Variants in SLC44A5 observed in about 807,000 individuals in gnomAD.
SLC44A5 encodes the protein choline transporter-like protein 5.
A neutral mutation model predicts 101.8 loss-of-function variants in SLC44A5; 57 were observed. That is an observed-to-expected ratio of 0.56 (90% CI 0.45 to 0.70). The LOEUF is 0.70. Among genes scored for constraint, SLC44A5 ranks in the 30% least tolerant of loss-of-function variants. SLC44A5 has a pLI of 0.00. For missense variants in SLC44A5, 737 were observed against 853.1 expected (o/e 0.86, Z 1.70); for synonymous variants, 281 against 290.9 (o/e 0.97, Z 0.35).
intron 2 of SLC44A5, among the ~76,000 whole-genome samples, chr1:75,476,502 GA>G (rs1236068591): frequency 6.6e-6 from 1 of 152,190 alleles, no homozygotes; most frequent in Non-Finnish European, 1.5e-5. Flanking sequence ...CCTAGTCAAA[GA>G]AAGGGGTGAC....
At chr1:75,474,255 C>T (rs1340181618) in intron 2 of SLC44A5, among the ~76,000 whole-genome samples, 1 of 152,176 alleles carries the variant, frequency 6.6e-6, no homozygotes, top group Non-Finnish European at 1.5e-5. Flanking sequence ...TTCCTAGGCA[C>T]TTACTGTCGA....
intron 2 of SLC44A5, among the ~76,000 whole-genome samples, chr1:75,476,691 G>A (rs1667429047): frequency 6.6e-6 from 1 of 152,232 alleles, no homozygotes; most frequent in African/African-American, 2.4e-5. Context: ...CGGCAGCAAG[G>A]CTGCGGGAGG....
At chr1:75,287,756 C>T (rs76105556) in intron 5 of SLC44A5, among the ~76,000 whole-genome samples, 4,213 of 152,118 alleles carry the variant, frequency 0.028, 195 homozygotes, top group African/African-American at 0.097. Flanking sequence ...AAGGGCTGTG[C>T]GCTGCTACTG....
chr1:75,254,281 T>G (rs1649830028), intron 6 of SLC44A5, among the ~76,000 whole-genome samples: 1 of 152,098 alleles, frequency 6.6e-6, no homozygotes, highest in Non-Finnish European at 1.5e-5. Flanking sequence ...TCAGGTGATC[T>G]GCCTGCATCG....
intron 2 of SLC44A5, among the ~76,000 whole-genome samples, chr1:75,531,110 T>A (rs1670696619): frequency 6.6e-6 from 1 of 152,180 alleles, no homozygotes; most frequent in South Asian, 2.1e-4. Context: ...AGATTGCCTT[T>A]CATGAGCAAT....
intron 6 of SLC44A5, among the ~76,000 whole-genome samples, chr1:75,252,760 A>T (rs1278819834): frequency 2.6e-5 from 4 of 152,210 alleles, no homozygotes; most frequent in African/African-American, 9.6e-5. Context: ...GAATTGAAAA[A>T]AAGTCAATGA....
chr1:75,499,325 T>C (rs1325338835), intron 2 of SLC44A5, among the ~76,000 whole-genome samples: 6 of 152,218 alleles, frequency 3.9e-5, no homozygotes, highest in Admixed American at 1.3e-4. Context: ...GCACACAACA[T>C]AGATCCCTCG....
chr1:75,502,291 C>T (rs1003288090), intron 2 of SLC44A5, among the ~76,000 whole-genome samples: 1 of 152,158 alleles, frequency 6.6e-6, no homozygotes. Flanking sequence ...GCCTGATAGA[C>T]CTTGTTTTCC....
chr1:75,509,437 G>C (rs1287206703), intron 2 of SLC44A5, among the ~76,000 whole-genome samples: 2 of 152,180 alleles, frequency 1.3e-5, no homozygotes, highest in African/African-American at 4.8e-5. Context: ...GATCGGAAAG[G>C]CTTTAAATAG....
intron 1 of SLC44A5, among the ~76,000 whole-genome samples, chr1:75,551,356 G>C (rs1173733462): frequency 6.6e-6 from 1 of 152,084 alleles, no homozygotes; most frequent in Non-Finnish European, 1.5e-5. Flanking sequence ...GGCACACTGA[G>C]CTCCAATAAC....
intron 3 of SLC44A5, among the ~76,000 whole-genome samples, chr1:75,357,923 T>C (rs542228381): frequency 6.6e-6 from 1 of 152,256 alleles, no homozygotes; most frequent in South Asian, 2.1e-4. Context: ...TTTAGAAATG[T>C]TAGAAAACAA....
intron 2 of SLC44A5, among the ~76,000 whole-genome samples, chr1:75,488,267 G>T (rs1277312487): frequency 2.0e-5 from 3 of 152,226 alleles, no homozygotes; most frequent in Non-Finnish European, 4.4e-5. Flanking sequence ...TGGAAAAATT[G>T]TCTCCCAAGA....
chr1:75,679,935 A>T, the SLC44A5 span, among the ~76,000 whole-genome samples: 2 of 152,222 alleles, frequency 1.3e-5, no homozygotes, highest in Non-Finnish European at 2.9e-5. Context: ...AAGCAAATGG[A>T]AAACAAAAGA....
chr1:75,375,256 T>G (rs1431069508), intron 3 of SLC44A5, among the ~76,000 whole-genome samples: 1 of 152,154 alleles, frequency 6.6e-6, no homozygotes, highest in Non-Finnish European at 1.5e-5. Flanking sequence ...AGGAAAGAAT[T>G]TCAGAGCTTG....
the SLC44A5 span, among the ~76,000 whole-genome samples, chr1:75,653,282 G>T: frequency 6.6e-6 from 1 of 152,154 alleles, no homozygotes; most frequent in Non-Finnish European, 1.5e-5. Flanking sequence ...AGGAGTGTGA[G>T]ACCAGCCTGG....
At chr1:75,321,416 T>C (rs1656132397) in intron 4 of SLC44A5, among the ~76,000 whole-genome samples, 1 of 151,974 alleles carries the variant, frequency 6.6e-6, no homozygotes, top group African/African-American at 2.4e-5. Context: ...TCCTGATTTC[T>C]AGATGAATGC....
intron 6 of SLC44A5, among the ~76,000 whole-genome samples, chr1:75,262,509 C>T (rs1208352431): frequency 6.6e-6 from 1 of 152,200 alleles, no homozygotes; most frequent in East Asian, 1.9e-4. Flanking sequence ...AAAAATATTT[C>T]ATGCTTATGG....
the SLC44A5 span, among the ~76,000 whole-genome samples, chr1:75,696,388 A>C: frequency 6.6e-6 from 1 of 152,246 alleles, no homozygotes; most frequent in South Asian, 2.1e-4. Context: ...TTGTTAAAAG[A>C]CTTTATGACT....
At chr1:75,555,076 A>G (rs555387074) in intron 1 of SLC44A5, among the ~76,000 whole-genome samples, 1 of 152,332 alleles carries the variant, frequency 6.6e-6, no homozygotes, top group African/African-American at 2.4e-5. Context: ...ATTACATTAA[A>G]TGTAAATGGA....
Sources: gnomAD v4.1 joint callset for allele counts (sites outside exome capture counted in the v4.1 genomes callset) on GRCh38, gnomAD v4.1.1 for gene constraint, MANE v1.5 for transcripts, NCBI Gene and HGNC (gene_info 2026-07-23, HGNC 2026-07-21) for gene names.